Variants in LRCH1 observed in about 807,000 individuals in gnomAD.
LRCH1 encodes the protein leucine rich repeats and calponin homology domain containing 1, also known as leucine-rich repeat and calponin homology domain-containing protein 1.
In LRCH1, 23 loss-of-function variants were observed where a neutral mutation model predicts 94.9. That is an observed-to-expected ratio of 0.24 (90% CI 0.17 to 0.34). The LOEUF (loss-of-function observed/expected upper bound fraction) is 0.34, where lower values mean the gene tolerates loss of function less well. Among genes scored for constraint, LRCH1 ranks in the 10% least tolerant of loss-of-function variants. LRCH1 has a pLI of 1.00. For synonymous variants in LRCH1, 364 were observed against 354.9 expected, an observed-to-expected ratio of 1.03 and a Z score of -0.29; for missense variants, 790 against 945.9, an observed-to-expected ratio of 0.84 and a Z score of 2.16.
chr13:46,620,362 CAAA>C (rs1226581498), intron 1 of LRCH1, among the ~76,000 whole-genome samples: 3 of 122,112 alleles, frequency 2.5e-5, no homozygotes, highest in African/African-American at 6.1e-5. Context: ...GAACCTGTCT[CAAA>C]AAAAAAAAAA....
chr13:46,685,991 C>T lies in LRCH1; in HGVS notation c.772C>T (p.Leu258=). ...IPICFREMKQ[L]QVLLLENNPL... is the part of the protein sequence containing the mutation. ...AATTTGTTTTAGAGAGATGAAGCAG[C>T]TGCAAGTGTTACTACTTGAGAATAA... Residue 258 remains leucine, a synonymous_variant, in exon 5 of 20, where the codon CTG becomes TTG. Coordinates refer to ENST00000389797, the MANE Select transcript of LRCH1 (RefSeq NM_001164211.2). The T allele has an allele frequency of 6.2e-7, 1 of 1,610,312 alleles. No individual in the cohort carries two copies. The highest frequency in any genetic ancestry group is 8.5e-7 in the Non-Finnish European group (1 of 1,178,672).
At chr13:46,750,973 C>T (rs529481695) in exon 19 of LRCH1, 8 of 191,388 alleles carry the variant, frequency 4.2e-5, no homozygotes, top group East Asian at 2.4e-4. Context: ...CAAGCACAAC[C>T]GTTTTGCAGC....
At position 46,650,342 on chromosome 13, in the gene LRCH1, T is replaced by A; in HGVS notation, c.449T>A (p.Leu150Ter). ...VNLQMLTYLNLSRNQLSALPA... is the reference protein window; with the variant it reads ...VNLQMLTYLN ...CTGCAGATGCTGACTTACCTGAACT[T>A]GAGGTAGGTTAAACATAAAAGTTGT... is the stretch of plus-strand genomic sequence containing the variant. The change falls in exon 2 of 20, where the codon TTG (leucine) becomes TAG (stop). Residue 150 changes from leucine to a stop codon, truncating the protein, a stop_gained. Coordinates refer to ENST00000389797, the MANE Select transcript of LRCH1 (RefSeq NM_001164211.2). LOFTEE classifies it high-confidence loss of function. 1 of 1,589,814 alleles carries A rather than the reference T, an allele frequency of 6.3e-7. No homozygotes were observed. Among genetic ancestry groups the A allele is most frequent in the Non-Finnish European group, 8.6e-7 (1 of 1,168,780 alleles).
chr13:46,646,920 C>A (rs1447749190), intron 1 of LRCH1, among the ~76,000 whole-genome samples: 3 of 152,076 alleles, frequency 2.0e-5, no homozygotes, highest in African/African-American at 4.8e-5. Flanking sequence ...TAAGACCAGC[C>A]TGGCCCACAT....
At chr13:46,729,506 T>C (rs1351896977) in intron 18 of LRCH1, among the ~76,000 whole-genome samples, 1 of 150,482 alleles carries the variant, frequency 6.6e-6, no homozygotes, top group East Asian at 2.0e-4. Flanking sequence ...GAGCCATGAT[T>C]GTGCCACTGC....
At chr13:46,583,910 G>A (rs541252249) in intron 1 of LRCH1, among the ~76,000 whole-genome samples, 2 of 152,106 alleles carry the variant, frequency 1.3e-5, no homozygotes, top group South Asian at 4.2e-4. Context: ...ACAGGCGTGA[G>A]CCACTGCGCC....
chr13:46,682,635 A>G (rs1386600873), intron 4 of LRCH1, among the ~76,000 whole-genome samples: 1 of 152,186 alleles, frequency 6.6e-6, no homozygotes, highest in Non-Finnish European at 1.5e-5. Flanking sequence ...CCCAGTGTCT[A>G]GAATCTGTTC....
chr13:46,732,135 A>T (rs894310876), intron 18 of LRCH1, among the ~76,000 whole-genome samples: 4 of 152,192 alleles, frequency 2.6e-5, no homozygotes, highest in Admixed American at 6.5e-5. Context: ...GCAGCAGTGG[A>T]TGAGAGCATC....
chr13:46,708,213 G>T lies in LRCH1; in HGVS notation c.1527+2909G>T, dbSNP rs543020115. Among the ~76,000 whole-genome samples the T allele has an allele frequency of 2.0e-5, 3 of 151,666 alleles. No homozygotes were observed. The East Asian group carries it at 5.8e-4, about 29-fold the overall frequency. On this transcript the variant is annotated intron_variant, in intron 13 of 19. Coordinates refer to ENST00000389797, the MANE Select transcript of LRCH1 (RefSeq NM_001164211.2). ...TGGGTATGGAAGGAATAAGGGATGG[G>T]TATATACTAAATATAGACTGAGCCC...
In LRCH1 at chr13:46,728,947, G is replaced by C; in HGVS notation, c.1970G>C (p.Arg657Pro). The C allele has an allele frequency of 6.2e-7, 1 of 1,613,442 alleles. No individual in the cohort carries two copies. Among genetic ancestry groups the C allele is most frequent in the Non-Finnish European group, 8.5e-7 (1 of 1,179,704 alleles). Reference sequence around the variant, plus strand: ...CATCTGGTCAACCACATCCGCCCACGGTCGGTTGCAAGCATCCATGTCCCA... The same window carrying C: ...CATCTGGTCAACCACATCCGCCCACCGTCGGTTGCAAGCATCCATGTCCCA... ...LCHLVNHIRP[R>P]SVASIHVPSP... Residue 657 changes from arginine (R) to proline (P), a missense_variant, in exon 18 of 20, where the codon CGG becomes CCG. Transcript: ENST00000389797.
At chr13:46,631,114 A>C (rs1178924161) in intron 1 of LRCH1, among the ~76,000 whole-genome samples, 1 of 152,200 alleles carries the variant, frequency 6.6e-6, no homozygotes, top group Non-Finnish European at 1.5e-5. Flanking sequence ...GAAAACTGTA[A>C]TTTTGTTTGT....
At chr13:46,651,703 C>CTTT (rs58584317) in intron 2 of LRCH1, among the ~76,000 whole-genome samples, 5 of 127,184 alleles carry the variant, frequency 3.9e-5, no homozygotes, top group African/African-American at 8.8e-5. Flanking sequence ...TGTAGAAGTG[C>CTTT]TTTTTTTTTT....
intron 1 of LRCH1, among the ~76,000 whole-genome samples, chr13:46,578,586 TAAGA>T (rs2050329210): frequency 6.6e-6 from 1 of 152,214 alleles, no homozygotes; most frequent in Non-Finnish European, 1.5e-5. Flanking sequence ...TTCTTCTCCT[TAAGA>T]ATAACCTATT....
intron 1 of LRCH1, among the ~76,000 whole-genome samples, chr13:46,594,569 A>G (rs1259599929): frequency 6.6e-6 from 1 of 152,252 alleles, no homozygotes; most frequent in African/African-American, 2.4e-5. Flanking sequence ...TGTTTGCATT[A>G]TAGGATAGGT....
chr13:46,741,694 G>T lies in LRCH1; in HGVS notation c.2138G>T (p.Arg713Leu). 11 of 1,614,158 alleles carry T rather than the reference G, an allele frequency of 6.8e-6. No individual in the cohort carries two copies. Among genetic ancestry groups the T allele is most frequent in the Non-Finnish European group, 9.3e-6 (11 of 1,180,032 alleles). ...DILQLDFRHI[R>L]KTVDTLLALG... is the part of the protein sequence containing the mutation. ...CTGCAGTTGGATTTTCGTCACATTC[G>T]AAAGACTGTTGACACTCTGCTGGCA... The change falls in exon 20 of 20, where the codon CGA (arginine) becomes CTA (leucine). Residue 713 changes from arginine (R) to leucine (L), a missense_variant. This residue lies in a region of LRCH1 where 460 missense variants were observed against 508.9 expected (regional missense o/e 0.90). Coordinates refer to ENST00000389797, the MANE Select transcript of LRCH1 (RefSeq NM_001164211.2).
At chr13:46,617,428 AC>A (rs1178199556) in intron 1 of LRCH1, among the ~76,000 whole-genome samples, 8 of 152,186 alleles carry the variant, frequency 5.3e-5, no homozygotes, top group African/African-American at 1.9e-4. Flanking sequence ...GTCCCTTCCA[AC>A]AGTGTTTTTT....
rs751737532 is a variant in LRCH1, at chr13:46,692,607, G to A, written c.1086G>A (p.Lys362=). The change falls in exon 8 of 20, where the codon AAG becomes AAA. Residue 362 remains lysine, a synonymous_variant. Coordinates refer to ENST00000389797, the MANE Select transcript of LRCH1 (RefSeq NM_001164211.2). ...SNIMEEEQII[K]EDSCHRLSPV... ...TCATGGAAGAAGAACAGATCATCAA[G>A]GAGGACTCGTGCCATCGCCTTAGCC... is the stretch of plus-strand genomic sequence containing the variant. The A allele has an allele frequency of 6.2e-7, 1 of 1,614,058 alleles. No homozygotes were observed. The highest frequency in any genetic ancestry group is 1.1e-5 in the South Asian group (1 of 91,084).
chr13:46,565,195 A>G (rs777890464), intron 1 of LRCH1, among the ~76,000 whole-genome samples: 2 of 152,246 alleles, frequency 1.3e-5, no homozygotes, highest in Non-Finnish European at 2.9e-5. Context: ...TATCTTTAGA[A>G]AAGAGAGTCA....
intron 13 of LRCH1, 69 bp from the exon 14 acceptor site, chr13:46,711,722 G>C: frequency 8.5e-7 from 1 of 1,181,592 alleles, no homozygotes; most frequent in Non-Finnish European, 1.2e-6. Flanking sequence ...CAGTAAGAAA[G>C]ATGAATTTCT....
Sources: allele counts gnomAD v4.1 joint callset (sites outside exome capture counted in the v4.1 genomes callset), GRCh38; gene constraint gnomAD v4.1.1; regional missense constraint gnomAD v4.1.1; transcripts MANE v1.5; gene names NCBI Gene and HGNC (gene_info 2026-07-23, HGNC 2026-07-21).